Variants in RPS6KA2 observed in about 807,000 individuals in gnomAD.
RPS6KA2 encodes ribosomal protein S6 kinase alpha-2.
A neutral mutation model predicts 91.8 loss-of-function variants in RPS6KA2; 42 were observed. The ratio of observed to expected loss-of-function variants is 0.46; its 90% CI spans 0.36 to 0.59. The LOEUF (loss-of-function observed/expected upper bound fraction) is 0.59, where lower values mean the gene tolerates loss of function less well. RPS6KA2 is among the 20% of genes least tolerant of loss of function. RPS6KA2 has a pLI of 0.00. For missense variants in RPS6KA2, 798 were observed against 978.5 expected (o/e 0.82, Z 2.46); for synonymous variants, 414 against 393.6 (o/e 1.05, Z -0.61).
In RPS6KA2 at chr6:166,418,244, G is replaced by A. The variant is rs779085045; in HGVS notation, c.1919C>T (p.Ser640Leu). ...ACTCACTTTAGCTGCGTCAGATATC[G>A]AGTCCCAGTTTCCCCCAGAAAGGGC... ...KYALSGGNWD[S>L]ISDAAKDVVS... The change falls in exon 19 of 21, where the codon TCG (serine) becomes TTG (leucine). Residue 640 changes from serine (S) to leucine (L), a missense_variant. By Grantham distance (145) the Ser-to-Leu change is moderately radical. Transcript: ENST00000265678. The surrounding 1 kb of genome is among the most constrained non-coding windows in gnomAD (Gnocchi z 4.9). 8 of 1,610,352 alleles carry A rather than the reference G, an allele frequency of 5.0e-6. No homozygotes were observed. In the South Asian group the frequency reaches 5.5e-5, roughly 11 times the overall value.
chr6:166,813,980 G>A (rs974333081), intron 2 of RPS6KA2, among the ~76,000 whole-genome samples: 2 of 152,064 alleles, frequency 1.3e-5, no homozygotes, highest in African/African-American at 4.8e-5. Context: ...ATTCTATCTG[G>A]CACATGGCAA....
intron 12 of RPS6KA2, among the ~76,000 whole-genome samples, chr6:166,452,442 G>A (rs905732027): frequency 1.3e-5 from 2 of 151,934 alleles, no homozygotes; most frequent in Non-Finnish European, 2.9e-5. Context: ...AAAAACCAAC[G>A]TCATTTTTCA....
Position 166,589,226 on chromosome 6 carries a change from C to T in RPS6KA2, c.99+37695G>A, listed in dbSNP as rs185176987. On this transcript the variant is annotated intron_variant, in intron 1 of 20. Coordinates refer to ENST00000265678, the MANE Select transcript of RPS6KA2 (RefSeq NM_021135.6). ...CCAAAAGTGAATTTATGTTTCACAGCCAGTGTGGAGAAAGCGTCTGCTCAA... is the reference window on the plus strand; with the variant it reads ...CCAAAAGTGAATTTATGTTTCACAGTCAGTGTGGAGAAAGCGTCTGCTCAA... 6.6e-5 allele frequency among the ~76,000 whole-genome samples: 10 copies of T among 152,344 alleles called. No individual in the cohort carries two copies. The East Asian group carries it at 1.7e-3, about 26-fold the overall frequency.
rs546882935 is a variant in RPS6KA2 at position 166,605,044 on chromosome 6, C to A, written c.99+21877G>T. Among the ~76,000 whole-genome samples the A allele has an allele frequency of 2.0e-5, 3 of 152,242 alleles. No homozygotes were observed. In the East Asian group the frequency reaches 5.8e-4, roughly 30 times the overall value. On this transcript the variant is annotated intron_variant, in intron 1 of 20. Coordinates refer to ENST00000265678, the MANE Select transcript of RPS6KA2 (RefSeq NM_021135.6). ...CCCCTCAGGCCCTCCCGTTCCAGGG[C>A]TTCACTGCGACCACGTGGCACTCTT...
At chr6:166,705,049 A>G in intron 2 of RPS6KA2, among the ~76,000 whole-genome samples, 1 of 152,206 alleles carries the variant, frequency 6.6e-6, no homozygotes, top group East Asian at 1.9e-4. Flanking sequence ...ATTTTGCACA[A>G]TGCAAACTTC....
chr6:166,683,943 C>T (rs866239756), intron 2 of RPS6KA2, among the ~76,000 whole-genome samples: 1 of 152,158 alleles, frequency 6.6e-6, no homozygotes. Context: ...CTTCTCAGGA[C>T]CCAGAGCTCA....
At chr6:166,788,225 T>C (rs1485893178) in intron 2 of RPS6KA2, among the ~76,000 whole-genome samples, 2 of 152,224 alleles carry the variant, frequency 1.3e-5, no homozygotes, top group African/African-American at 4.8e-5. Flanking sequence ...GGAATGCTTT[T>C]ATGCTGTTGG....
chr6:166,720,807 A>G (rs1021394408), intron 2 of RPS6KA2, among the ~76,000 whole-genome samples: 1 of 152,202 alleles, frequency 6.6e-6, no homozygotes, highest in Non-Finnish European at 1.5e-5. Context: ...ACTCCGGCAC[A>G]GCGAGTTTGA....
At chr6:166,695,759 T>G (rs1366275750) in intron 2 of RPS6KA2, among the ~76,000 whole-genome samples, 2 of 150,450 alleles carry the variant, frequency 1.3e-5, no homozygotes, top group Non-Finnish European at 2.9e-5. Flanking sequence ...ACAGGAGCAC[T>G]GGATTCTCAT....
chr6:166,763,473 T>C (rs1184115530), intron 2 of RPS6KA2, among the ~76,000 whole-genome samples: 1 of 152,184 alleles, frequency 6.6e-6, no homozygotes, highest in African/African-American at 2.4e-5. Flanking sequence ...AGAGCGGCAA[T>C]GAGAGTGACT....
chr6:166,414,835 C>T (rs1778442516), intron 19 of RPS6KA2, among the ~76,000 whole-genome samples: 1 of 152,306 alleles, frequency 6.6e-6, no homozygotes, highest in South Asian at 2.1e-4. Context: ...GAGGCTGAGG[C>T]AGGTGGATCA....
intron 2 of RPS6KA2, among the ~76,000 whole-genome samples, chr6:166,853,926 G>A (rs1366542591): frequency 6.6e-6 from 1 of 152,194 alleles, no homozygotes. Context: ...CCAGGGCCTC[G>A]CCTGCTCACA....
intron 15 of RPS6KA2, among the ~76,000 whole-genome samples, chr6:166,431,967 C>A (rs117143004): frequency 2.6e-5 from 4 of 152,134 alleles, no homozygotes; most frequent in African/African-American, 9.7e-5. Flanking sequence ...ATGTTAAGAC[C>A]GTTTGCACGC....
At chr6:166,799,100 C>G (rs898324159) in intron 2 of RPS6KA2, among the ~76,000 whole-genome samples, 59 of 152,230 alleles carry the variant, frequency 3.9e-4, no homozygotes, top group Non-Finnish European at 3.1e-4. Context: ...CATAGCAAAT[C>G]TTTTTCCATT....
chr6:166,623,336 A>G (rs1033041845), intron 1 of RPS6KA2, among the ~76,000 whole-genome samples: 3 of 152,246 alleles, frequency 2.0e-5, no homozygotes, highest in African/African-American at 7.2e-5. Flanking sequence ...TCCACATCCC[A>G]TCTTCTGAGG....
At chr6:166,760,405 G>A (rs1778134193) in intron 2 of RPS6KA2, among the ~76,000 whole-genome samples, 1 of 152,212 alleles carries the variant, frequency 6.6e-6, no homozygotes, top group African/African-American at 2.4e-5. Flanking sequence ...CAAAGCAATT[G>A]AACTACATCG....
intron 14 of RPS6KA2, among the ~76,000 whole-genome samples, chr6:166,446,779 A>C (rs1227923127): frequency 6.6e-6 from 1 of 152,118 alleles, no homozygotes; most frequent in African/African-American, 2.4e-5. Context: ...GGCTGACCAA[A>C]CCGTAGGCTT....
chr6:166,773,611 G>C (rs908107442), intron 2 of RPS6KA2, among the ~76,000 whole-genome samples: 15 of 152,050 alleles, frequency 9.9e-5, no homozygotes, highest in Non-Finnish European at 2.2e-4. Context: ...CATTGGCCAG[G>C]CTGGTCTGGA....
intron 2 of RPS6KA2, among the ~76,000 whole-genome samples, chr6:166,659,703 A>T (rs1788104288): frequency 3.9e-5 from 6 of 152,162 alleles, no homozygotes; most frequent in Non-Finnish European, 8.8e-5. Context: ...TGGTCAGTGG[A>T]CACGGGTGGG....
Sources: allele counts gnomAD v4.1 joint callset (sites outside exome capture counted in the v4.1 genomes callset), GRCh38; gene constraint gnomAD v4.1.1; non-coding constraint Gnocchi (gnomAD v3.1); transcripts MANE v1.5; gene names NCBI Gene and HGNC (gene_info 2026-07-23, HGNC 2026-07-21).